Variants in KHK observed in about 807,000 individuals in gnomAD.
KHK encodes the protein ketohexokinase, also known as fructokinase.
Under a neutral mutation model 36.0 loss-of-function variants are expected in KHK, and 37 were observed. The observed-to-expected ratio is 1.03, with a 90% CI of 0.79 to 1.35. The LOEUF (loss-of-function observed/expected upper bound fraction) is 1.35, where lower values mean the gene tolerates loss of function less well. Among genes scored for constraint, KHK ranks in the 40% most tolerant of loss-of-function variants. The pLI, the probability that KHK is intolerant of heterozygous loss-of-function variation, is 0.00. For synonymous variants in KHK, 161 were observed against 162.8 expected, an observed-to-expected ratio of 0.99 and a Z score of 0.08; for missense variants, 395 against 391.9, an observed-to-expected ratio of 1.01 and a Z score of -0.07.
rs1414599342 is a variant in KHK, at chr2:27,092,332, G to T, written c.93G>T (p.Arg31Ser). The stretch of plus-strand genomic sequence containing the variant: ...CAGGGACCCTCCCTGTGCTTTGCAG[G>T]TGTTTGTCCCAGAGATGGCAGCGCG... ...DKYPKEDSEIRCLSQRWQRGG... is the reference protein window; with the variant it reads ...DKYPKEDSEISCLSQRWQRGG... Residue 31 changes from arginine (R) to serine (S), a missense_variant and splice_region_variant, in exon 2 of 8, where the codon AGG (arginine) becomes AGT (serine). Arg to Ser is a moderately radical substitution (Grantham distance 110). Coordinates refer to ENST00000260598, the MANE Select transcript of KHK (RefSeq NM_006488.3). 1 of 1,611,892 alleles carries T rather than the reference G, an allele frequency of 6.2e-7. No homozygotes were observed. The highest frequency in any genetic ancestry group is 8.5e-7 in the Non-Finnish European group (1 of 1,179,342).
chr2:27,094,804 C>T lies in KHK; in HGVS notation c.214C>T (p.Leu72=). ...TGGCCCGGCCTCCACCCTAAGCTTC[C>T]TGGTGGCCGACTTCAGGCGGCGGGG... The part of the protein sequence containing the change: ...SMAPGHVADF[L]VADFRRRGVD... The change falls in exon 3 of 8, where the codon CTG becomes TTG. Residue 72 remains leucine, a synonymous_variant. Transcript: ENST00000260598. 1 of 1,614,076 alleles carries T rather than the reference C, an allele frequency of 6.2e-7. No homozygotes were observed.
At chr2:27,087,450 A>C (rs1669725639) in intron 1 of KHK, 99 bp downstream of exon 1, 1 of 931,704 alleles carries the variant, frequency 1.1e-6, no homozygotes, top group Admixed American at 2.5e-5. Context: ...TGAGGCCCTG[A>C]GAACCCGGCT....
At chr2:27,089,056 A>C (rs1669831790) in intron 1 of KHK, among the ~76,000 whole-genome samples, 1 of 152,198 alleles carries the variant, frequency 6.6e-6, no homozygotes, top group Non-Finnish European at 1.5e-5. Context: ...GAACTGTGTA[A>C]AGATCAGTGA....
intron 3 of KHK, among the ~76,000 whole-genome samples, chr2:27,096,338 C>G (rs1670339767): frequency 6.6e-6 from 1 of 152,148 alleles, no homozygotes; most frequent in African/African-American, 2.4e-5. Flanking sequence ...ACAGCCCAGG[C>G]AGGGGGTCGC....
At chr2:27,093,639 G>A (rs1670143503) in intron 2 of KHK, among the ~76,000 whole-genome samples, 1 of 152,228 alleles carries the variant, frequency 6.6e-6, no homozygotes, top group Non-Finnish European at 1.5e-5. Flanking sequence ...CAGCTTTGGT[G>A]TTGCTGAAAG....
intron 2 of KHK, among the ~76,000 whole-genome samples, chr2:27,093,202 C>T (rs1670118004): frequency 6.6e-6 from 1 of 152,202 alleles, no homozygotes; most frequent in Non-Finnish European, 1.5e-5. Context: ...AAGGGGGCTG[C>T]TGGCAGAGTC....
rs777377724 is a variant in KHK, at chr2:27,099,241, G to A, written c.610G>A (p.Ala204Thr). The A allele has an allele frequency of 6.2e-7, 1 of 1,614,184 alleles. No individual in the cohort carries two copies. Among genetic ancestry groups the A allele is most frequent in the Non-Finnish European group, 8.5e-7 (1 of 1,180,040 alleles). Residue 204 changes from alanine to threonine, a missense_variant, in exon 6 of 8, where the codon GCA (alanine) becomes ACA (threonine). Ala to Thr is a moderately conservative substitution (Grantham distance 58). Coordinates refer to ENST00000260598, the MANE Select transcript of KHK (RefSeq NM_006488.3). ...DVAKHLGFQS[A>T]EEALRGLYGR... Reference sequence around the variant, plus strand: ...GGCCAAGCACTTGGGGTTCCAGTCAGCAGAGGAAGCCTTGAGGGGCTTGTA... The same window carrying A: ...GGCCAAGCACTTGGGGTTCCAGTCAACAGAGGAAGCCTTGAGGGGCTTGTA...
rs1362514861 is a variant in KHK at position 27,095,743 on chromosome 2, A to G, written c.344+809A>G. On this transcript the variant is annotated intron_variant, in intron 3 of 7. Coordinates refer to ENST00000260598, the MANE Select transcript of KHK (RefSeq NM_006488.3). ...CAGGTTCAGGCTGTTCCTACGGCCC[A>G]GCCTGACTGCCGGACCTGGAGGAGG... Among the ~76,000 whole-genome samples the G allele has an allele frequency of 5.3e-5, 8 of 152,358 alleles. No individual in the cohort carries two copies. The East Asian group carries it at 1.3e-3, about 26-fold the overall frequency.
Position 27,099,714 on chromosome 2 carries a change from G to T in KHK, c.861G>T (p.Lys287Asn). 6.2e-7 allele frequency: 1 copy of T among 1,614,176 alleles called. No homozygotes were observed. Among genetic ancestry groups the T allele is most frequent in the South Asian group, 1.1e-5 (1 of 91,088 alleles). The change falls in exon 8 of 8, where the codon AAG becomes AAT. Residue 287 changes from lysine (K) to asparagine (N), a missense_variant. By Grantham distance (94) the Lys-to-Asn change is moderately conservative (BLOSUM62 0). Coordinates refer to ENST00000260598, the MANE Select transcript of KHK (RefSeq NM_006488.3). ...ALRFGCQVAG[K>N]KCGLQGFDGI... ...GATTCGGGTGCCAGGTGGCCGGCAA[G>T]AAGTGTGGCCTGCAGGGCTTTGATG...
Position 27,100,738 on chromosome 2 carries a change from T to C in KHK, c.*988T>C. The C allele has an allele frequency of 1.7e-6, 2 of 1,146,022 alleles. No individual in the cohort carries two copies. The highest frequency in any genetic ancestry group is 2.2e-6 in the Non-Finnish European group (2 of 904,930). 71.0% of individuals were successfully genotyped at this position (1,146,022 alleles called of 1,614,324 possible). On this transcript the variant is annotated 3_prime_UTR_variant, in exon 8 of 8. Transcript: ENST00000260598. ...TGTGAGGATAAAATCATATATAAAA[T>C]GCCCAGCATGATGCCTGATGTGTAC...
At chr2:27,088,805 C>G (rs1184865709) in intron 1 of KHK, among the ~76,000 whole-genome samples, 3 of 152,184 alleles carry the variant, frequency 2.0e-5, no homozygotes, top group Non-Finnish European at 2.9e-5. Flanking sequence ...GGGCGGGACA[C>G]TAGCTTTCTC....
intron 3 of KHK, among the ~76,000 whole-genome samples, chr2:27,095,877 A>T (rs1394162541): frequency 6.6e-6 from 1 of 152,226 alleles, no homozygotes; most frequent in East Asian, 1.9e-4. Context: ...GTTAAGCAAC[A>T]ATCCGTAGTA....
Position 27,092,317 on chromosome 2 carries a change from C to T in KHK, c.93-15C>T, listed in dbSNP as rs1309536039. 1 of 1,603,858 alleles carries T rather than the reference C, an allele frequency of 6.2e-7. No homozygotes were observed. Among genetic ancestry groups the T allele is most frequent in the Non-Finnish European group, 8.5e-7 (1 of 1,172,828 alleles). On this transcript the variant is annotated splice_polypyrimidine_tract_variant and intron_variant, in intron 1 of 7. Transcript: ENST00000260598. ...AGCCTGCTGGGGCTGCAGGGACCCT[C>T]CCTGTGCTTTGCAGGTGTTTGTCCC...
At chr2:27,094,070 GATTA>G (rs1558445571) in intron 2 of KHK, 2 of 343,248 alleles carry the variant, frequency 5.8e-6, no homozygotes, top group African/African-American at 2.1e-5. Flanking sequence ...TTGCCTTGGA[GATTA>G]ATTATTAATC....
intron 1 of KHK, among the ~76,000 whole-genome samples, chr2:27,089,761 G>T (rs1669875921): frequency 6.6e-6 from 1 of 152,192 alleles, no homozygotes; most frequent in Admixed American, 6.5e-5. Flanking sequence ...GGGTGTCTCA[G>T]CCCCACCTGT....
intron 3 of KHK, among the ~76,000 whole-genome samples, chr2:27,095,487 G>T (rs1459776540): frequency 2.0e-5 from 3 of 152,234 alleles, no homozygotes; most frequent in Non-Finnish European, 4.4e-5. Context: ...TGAAGGAGGG[G>T]AAAGGAAACA....
At chr2:27,099,112 G>C in intron 5 of KHK, 84 bp from the exon 6 acceptor site, 1 of 1,160,486 alleles carries the variant, frequency 8.6e-7, no homozygotes, top group South Asian at 1.2e-5. Context: ...TGGGGGAGTC[G>C]TGTTGTAATG....
At chr2:27,099,350 C>T in intron 6 of KHK, 66 bp downstream of exon 6, 1 of 1,610,760 alleles carries the variant, frequency 6.2e-7, no homozygotes, top group Non-Finnish European at 8.5e-7. Flanking sequence ...CAGGAGTCCG[C>T]CCTGGAGCTG....
rs776211460 is a variant in KHK at position 27,097,548 on chromosome 2, G to A, written c.463G>A (p.Ala155Thr). 22 of 1,613,834 alleles carry A rather than the reference G, an allele frequency of 1.4e-5. No homozygotes were observed. The highest frequency in any genetic ancestry group is 1.6e-4 in the Middle Eastern group (1 of 6,084). Reference protein sequence around the residue: ...EQVKMLQRIDAHNTRQPPEQK... With the variant: ...EQVKMLQRIDTHNTRQPPEQK... ...GGTGAAGATGCTGCAGCGGATAGAC[G>A]CACACAACACCAGGCAGCCTCCAGA... The change falls in exon 5 of 8, where the codon GCA (alanine) becomes ACA (threonine). Residue 155 changes from alanine (A) to threonine (T), a missense_variant. Ala to Thr is a moderately conservative substitution (Grantham distance 58, BLOSUM62 0). Coordinates refer to ENST00000260598, the MANE Select transcript of KHK (RefSeq NM_006488.3).
Sources: allele counts gnomAD v4.1 joint callset (sites outside exome capture counted in the v4.1 genomes callset), GRCh38; gene constraint gnomAD v4.1.1; transcripts MANE v1.5; gene names NCBI Gene and HGNC (gene_info 2026-07-23, HGNC 2026-07-21).